U2AF1L4: variants seen among roughly 807,000 people sequenced by gnomAD.
U2AF1L4 encodes U2 small nuclear RNA auxiliary factor 1 like 4, also known as splicing factor U2AF 26 kDa subunit.
A neutral mutation model predicts 21.7 loss-of-function variants in U2AF1L4; 21 were observed. The observed-to-expected ratio is 0.97, with a 90% CI of 0.69 to 1.39. The LOEUF is 1.39. Among genes scored for constraint, U2AF1L4 ranks in the 40% most tolerant of loss-of-function variants. The pLI is 0.00. For missense variants in U2AF1L4, 259 were observed against 245.7 expected, an observed-to-expected ratio of 1.05 and a Z score of -0.36; for synonymous variants, 92 against 89.7, an observed-to-expected ratio of 1.03 and a Z score of -0.15.
chr19:35,744,876 G>C (rs1267072098), intron 2 of U2AF1L4: 3 of 769,232 alleles, frequency 3.9e-6, no homozygotes, highest in Non-Finnish European at 4.2e-6. Flanking sequence ...GATGAACAGC[G>C]GGATGGAAGG....
chr19:35,744,139 T>A lies in U2AF1L4; in HGVS notation c.238A>T (p.Arg80Trp). Reference protein sequence around the residue: ...LVGNVYVKFRREEDGERAVAE... With the variant: ...LVGNVYVKFRWEEDGERAVAE... The stretch of plus-strand genomic sequence containing the variant: ...ACGGCCCGCTCTCCATCCTCCTCCC[T>A]CCGGAACTGCAGGAAATGTCAGTCA... The change falls in exon 4 of 6, where the codon AGG (arginine) becomes TGG (tryptophan). Residue 80 changes from arginine to tryptophan, a missense_variant. Coordinates refer to ENST00000378975, the MANE Select transcript of U2AF1L4 (RefSeq NM_001040425.3). 6.2e-7 allele frequency: 1 copy of A among 1,613,576 alleles called. No homozygotes were observed. The highest frequency in any genetic ancestry group is 8.5e-7 in the Non-Finnish European group (1 of 1,179,832).
At chr19:35,742,849 G>A (rs2146503935) in intron 5 of U2AF1L4, 46 bp from the exon 6 acceptor site, 3 of 1,552,940 alleles carry the variant, frequency 1.9e-6, no homozygotes, top group South Asian at 2.2e-5. Flanking sequence ...CTGAGGAGTG[G>A]TGCAGAGATC....
At chr19:35,744,578 C>T in intron 2 of U2AF1L4, 157 bp from the exon 3 acceptor site, 2 of 1,547,162 alleles carry the variant, frequency 1.3e-6, no homozygotes, top group South Asian at 1.2e-5. Flanking sequence ...CAGAGTGTAG[C>T]CTACTGGGGG....
chr19:35,744,470 T>A, intron 2 of U2AF1L4, 49 bp from the exon 3 acceptor site: 2 of 1,613,482 alleles, frequency 1.2e-6, no homozygotes, highest in African/African-American at 2.7e-5. Flanking sequence ...AGAAACCCCA[T>A]CTGCCCCTAC....
intron 3 of U2AF1L4, 65 bp downstream of exon 3, chr19:35,744,258 C>T (rs1005034610): frequency 4.4e-6 from 7 of 1,607,990 alleles, no homozygotes; most frequent in Non-Finnish European, 6.0e-6. Flanking sequence ...TGAGAGCCTA[C>T]AGTGGCCACC....
At position 35,742,803 on chromosome 19, in the gene U2AF1L4, C is replaced by T; in HGVS notation, c.462G>A (p.Arg154=). The T allele has an allele frequency of 6.2e-7, 1 of 1,609,948 alleles. No homozygotes were observed. The highest frequency in any genetic ancestry group is 8.5e-7 in the Non-Finnish European group (1 of 1,179,580). ...GGCCAGTATGGAACCTCGGGGGTGA[C>T]CTGGGAATAGGAGCGTTGAGAGTTC... ...RQLYGRGPRR[R]SPPRFHTGHH... Residue 154 remains arginine (R), a splice_region_variant and synonymous_variant, in exon 6 of 6, where the codon AGG becomes AGA. Transcript: ENST00000378975.
chr19:35,745,053 A>G (rs1970504528), intron 2 of U2AF1L4, 72 bp downstream of exon 2: 3 of 1,465,072 alleles, frequency 2.0e-6, no homozygotes, highest in South Asian at 2.3e-5. Context: ...TAGGCGGGAC[A>G]TGGTGACGAC....
In U2AF1L4 at chr19:35,745,336, G is replaced by A. The variant is rs202027218; in HGVS notation, c.44+12C>T. On this transcript the variant is annotated intron_variant, in intron 1 of 5. Coordinates refer to ENST00000378975, the MANE Select transcript of U2AF1L4 (RefSeq NM_001040425.3). The stretch of plus-strand genomic sequence containing the variant: ...GACCCCCCGAGAGTCCACTCCCAGC[G>A]CCCGTTCTCACTTGTCCTTCTCAGT... 7.1e-5 allele frequency: 113 copies of A among 1,597,164 alleles called. No individual in the cohort carries two copies. The African/African-American group carries it at 1.3e-3, about 18-fold the overall frequency.
In U2AF1L4 at chr19:35,742,595, A is replaced by G; in HGVS notation, c.*124T>C. The stretch of plus-strand genomic sequence containing the variant: ...GTAGAAGAAGGTCTCCATGCTGAAC[A>G]GATTACATTATGGAGCCCGGGAGCC... On this transcript the variant is annotated 3_prime_UTR_variant, in exon 6 of 6. Transcript: ENST00000378975. The G allele has an allele frequency of 6.2e-7, 1 of 1,613,936 alleles. No individual in the cohort carries two copies. The highest frequency in any genetic ancestry group is 8.5e-7 in the Non-Finnish European group (1 of 1,180,000).
chr19:35,742,898 G>A (rs1970333614), intron 5 of U2AF1L4, 95 bp from the exon 6 acceptor site: 2 of 1,189,052 alleles, frequency 1.7e-6, no homozygotes, highest in Admixed American at 2.1e-5. Context: ...GAGGCAGGAG[G>A]GTGCTGAAAT....
At chr19:35,742,828 C>A (rs1175475562) in intron 5 of U2AF1L4, 25 bp from the exon 6 acceptor site, 1 of 1,598,870 alleles carries the variant, frequency 6.3e-7, no homozygotes, top group Non-Finnish European at 8.5e-7. Context: ...GTTGAGAGTT[C>A]TGTTAGAACC....
chr19:35,744,926 G>T, intron 2 of U2AF1L4, 199 bp downstream of exon 2: 1 of 700,058 alleles, frequency 1.4e-6, no homozygotes, highest in Non-Finnish European at 2.4e-6. Context: ...TAGCCTGTAC[G>T]CATGGGGGCG....
rs1484780963 is a variant in U2AF1L4, at chr19:35,742,627, G to A, written c.*92C>T. On this transcript the variant is annotated 3_prime_UTR_variant, in exon 6 of 6. Transcript: ENST00000378975. ...ATTATGGAGCCCGGGAGCCTGGGAA[G>A]GATGGGGCAGGAGAGTGAAGGGGGC... 5.0e-6 allele frequency: 8 copies of A among 1,613,926 alleles called. No individual in the cohort carries two copies. In the Admixed American group the frequency reaches 1.3e-4, roughly 27 times the overall value.
intron 2 of U2AF1L4, chr19:35,744,688 A>G (rs144788438): frequency 1.3e-6 from 2 of 1,536,002 alleles, no homozygotes; most frequent in Non-Finnish European, 1.7e-6. Context: ...GAGCAGCACT[A>G]TGGTCTGCAC....
In U2AF1L4 at chr19:35,745,366, A is replaced by G; in HGVS notation, c.26T>C (p.Phe9Ser). The G allele has an allele frequency of 6.2e-7, 1 of 1,612,462 alleles. No homozygotes were observed. The highest frequency in any genetic ancestry group is 1.3e-5 in the African/African-American group (1 of 74,604). Residue 9 changes from phenylalanine to serine, a missense_variant, in exon 1 of 6, where the codon TTC becomes TCC. Transcript: ENST00000378975. MAEYLASI[F>S]GTEKDKVNCS... ...TTCTCACTTGTCCTTCTCAGTCCCG[A>G]ATATCGAAGCTAAATATTCAGCCAT...
At chr19:35,745,073 A>G (rs528079808) in intron 2 of U2AF1L4, 52 bp downstream of exon 2, 1 of 1,551,418 alleles carries the variant, frequency 6.4e-7, no homozygotes, top group African/African-American at 1.4e-5. Context: ...CGGCCCCAGA[A>G]GGGGAAGGGC....
chr19:35,742,726 C>G lies in U2AF1L4; in HGVS notation c.539G>C (p.Arg180Pro). Residue 180 changes from arginine to proline, a missense_variant, in exon 6 of 6, where the codon CGC becomes CCC. Transcript: ENST00000378975. ...HRCSPDHWHGRF is the reference protein window; with the variant it reads ...HRCSPDHWHGPF ...GGTAAGGGGGCCAGGGCCTCAGAAG[C>G]GGCCATGCCAGTGATCAGGGGAACA... 1 of 1,610,092 alleles carries G rather than the reference C, an allele frequency of 6.2e-7. No homozygotes were observed. Among genetic ancestry groups the G allele is most frequent in the Non-Finnish European group, 8.5e-7 (1 of 1,179,146 alleles).
chr19:35,743,350 G>A (rs777102685), intron 5 of U2AF1L4: 9 of 188,896 alleles, frequency 4.8e-5, no homozygotes, highest in African/African-American at 1.2e-4. Context: ...TCCAGCCTGC[G>A]GAAGAAGAGC....
chr19:35,742,958 G>T (rs1302304324), intron 5 of U2AF1L4, 155 bp from the exon 6 acceptor site: 14 of 732,420 alleles, frequency 1.9e-5, no homozygotes, highest in Non-Finnish European at 3.2e-5. Context: ...GGGGAACTCA[G>T]TGGCCAGTAT....
Sources: gnomAD v4.1 joint callset for allele counts on GRCh38, gnomAD v4.1.1 for gene constraint, MANE v1.5 for transcripts, NCBI Gene and HGNC (gene_info 2026-07-23, HGNC 2026-07-21) for gene names.